The following VPS53 variants were observed in gnomAD, a reference collection of about 807,000 sequenced individuals.
VPS53 encodes the protein VPS53 subunit of GARP complex.
Under a neutral mutation model 107.0 loss-of-function variants are expected in VPS53, and 70 were observed. The observed-to-expected ratio is 0.65, with a 90% CI of 0.54 to 0.80. The LOEUF is 0.80. VPS53 is among the 30% of genes least tolerant of loss of function. The pLI is 0.00. For missense variants in VPS53, 917 were observed against 1,049.4 expected, an observed-to-expected ratio of 0.87 and a Z score of 1.74; for synonymous variants, 409 against 393.3, an observed-to-expected ratio of 1.04 and a Z score of -0.47.
chr17:646,170 T>C (rs188693027), intron 7 of VPS53, among the ~76,000 whole-genome samples: 78 of 69,776 alleles, frequency 1.1e-3, no homozygotes, highest in African/African-American at 1.7e-3. Context: ...CTTTTCTAAT[T>C]CATACCACGG....
At chr17:567,736 C>T (rs1913659261) in intron 13 of VPS53, among the ~76,000 whole-genome samples, 1 of 151,790 alleles carries the variant, frequency 6.6e-6, no homozygotes, top group Non-Finnish European at 1.5e-5. Flanking sequence ...AAAAAATAAA[C>T]AAATTAGTTA....
chr17:576,980 A>T (rs1914675428), intron 13 of VPS53, among the ~76,000 whole-genome samples: 1 of 135,428 alleles, frequency 7.4e-6, no homozygotes, highest in Admixed American at 7.3e-5. Context: ...AACCTCAATG[A>T]CTTAGCAGAG....
chr17:666,656 C>T (rs1971702074), intron 4 of VPS53, among the ~76,000 whole-genome samples: 1 of 151,534 alleles, frequency 6.6e-6, no homozygotes, highest in South Asian at 2.1e-4. Context: ...AAGAGCAAAA[C>T]TCCATCTCAA....
At chr17:683,735 C>G (rs550224060) in intron 4 of VPS53, among the ~76,000 whole-genome samples, 2 of 152,172 alleles carry the variant, frequency 1.3e-5, no homozygotes, top group African/African-American at 4.8e-5. Flanking sequence ...TGGTGGCACA[C>G]GCCAATAGCC....
At chr17:657,730 G>A (rs896083094) in intron 5 of VPS53, among the ~76,000 whole-genome samples, 5 of 151,982 alleles carry the variant, frequency 3.3e-5, no homozygotes, top group Admixed American at 6.5e-5. Flanking sequence ...ACTTGGCCAT[G>A]AGTTCATGGA....
chr17:692,030 T>C (rs374927782), intron 4 of VPS53, among the ~76,000 whole-genome samples: 5 of 152,182 alleles, frequency 3.3e-5, no homozygotes, highest in African/African-American at 1.2e-4. Context: ...TCCCAAACCT[T>C]ACTCTTGTTC....
At position 537,247 on chromosome 17, in the gene VPS53, A is replaced by T; in HGVS notation, c.1867-71T>A. ...GGTGTCGCCTGTTACTGGGGAAGGG[A>T]GGGGCTGGAGTGGAAGTCAGGTCAC... On this transcript the variant is annotated intron_variant, in intron 17 of 21. Coordinates refer to ENST00000437048, the MANE Select transcript of VPS53 (RefSeq NM_001128159.3). 3 of 1,551,264 alleles carry T rather than the reference A, an allele frequency of 1.9e-6. No individual in the cohort carries two copies. In the South Asian group the frequency reaches 3.5e-5, roughly 18 times the overall value.
At position 560,510 on chromosome 17, in the gene VPS53, T is replaced by A; in HGVS notation, c.1620A>T (p.Glu540Asp). 6.2e-7 allele frequency: 1 copy of A among 1,613,956 alleles called. No homozygotes were observed. Among genetic ancestry groups the A allele is most frequent in the Non-Finnish European group, 8.5e-7 (1 of 1,180,022 alleles). Residue 540 changes from glutamate to aspartate, a missense_variant, in exon 15 of 22, where the codon GAA becomes GAT. Glu to Asp is a conservative substitution (Grantham distance 45). Coordinates refer to ENST00000437048, the MANE Select transcript of VPS53 (RefSeq NM_001128159.3). ...GCTCCTCCAGAGTGAACTTGGCTACTTCTGAGCCCTCCTTTTCCTTGAGGA... is the reference window on the plus strand; with the variant it reads ...GCTCCTCCAGAGTGAACTTGGCTACATCTGAGCCCTCCTTTTCCTTGAGGA... Reference protein sequence around the residue: ...SSLLKEKEGSEVAKFTLEELC... With the variant: ...SSLLKEKEGSDVAKFTLEELC...
intron 5 of VPS53, among the ~76,000 whole-genome samples, chr17:657,701 CA>C (rs1418704027): frequency 6.6e-6 from 1 of 152,236 alleles, no homozygotes; most frequent in Admixed American, 6.5e-5. Context: ...TGGATAGATA[CA>C]TCCCATTAAA....
At chr17:711,102 T>C (rs886397042) in intron 1 of VPS53, among the ~76,000 whole-genome samples, 3 of 152,038 alleles carry the variant, frequency 2.0e-5, no homozygotes, top group African/African-American at 7.2e-5. Context: ...CCCAGCTACG[T>C]GGGAGGCTGA....
intron 11 of VPS53, among the ~76,000 whole-genome samples, chr17:610,456 C>T (rs1272362136): frequency 6.6e-6 from 1 of 152,110 alleles, no homozygotes; most frequent in East Asian, 1.9e-4. Context: ...GTCTCTGTAG[C>T]CTTGGATTAC....
At chr17:631,753 G>C (rs1334114202) in intron 7 of VPS53, 125 bp from the exon 8 acceptor site, 1 of 731,058 alleles carries the variant, frequency 1.4e-6, no homozygotes. Flanking sequence ...AGACGTCCAT[G>C]AGGTGAGAGG....
In VPS53 at chr17:606,749, T is replaced by C. The variant is rs532847078; in HGVS notation, c.1117-4853A>G. Among the ~76,000 whole-genome samples, 3 of 152,258 alleles carry C rather than the reference T, an allele frequency of 2.0e-5. No individual in the cohort carries two copies. In the South Asian group the frequency reaches 6.2e-4, roughly 32 times the overall value. On this transcript the variant is annotated intron_variant, in intron 11 of 21. Coordinates refer to ENST00000437048, the MANE Select transcript of VPS53 (RefSeq NM_001128159.3). ...TGTCAGGTCTCATAGGCAAACCCTG[T>C]TGTGAGCTGCTCATATGAGAGGTCT... is the stretch of plus-strand genomic sequence containing the variant.
Position 631,579 on chromosome 17 carries a change from C to G in VPS53, c.658G>C (p.Glu220Gln). The stretch of plus-strand genomic sequence containing the variant: ...GTGCCCTGGGAAGGAAACGCTTCTT[C>G]AAAATCTGCCAGGATTTGCTGTCCT... ...ELGQQILADF[E>Q]EAFPSQGTKR... is the part of the protein sequence containing the mutation. The change falls in exon 8 of 22, where the codon GAA (glutamate) becomes CAA (glutamine). Residue 220 changes from glutamate to glutamine, a missense_variant. By Grantham distance (29) the Glu-to-Gln change is conservative. Coordinates refer to ENST00000437048, the MANE Select transcript of VPS53 (RefSeq NM_001128159.3). The G allele has an allele frequency of 1.2e-6, 2 of 1,614,122 alleles. No individual in the cohort carries two copies. The highest frequency in any genetic ancestry group is 8.5e-7 in the Non-Finnish European group (1 of 1,180,006).
At chr17:687,053 G>A (rs1972611205) in intron 4 of VPS53, among the ~76,000 whole-genome samples, 1 of 152,116 alleles carries the variant, frequency 6.6e-6, no homozygotes, top group African/African-American at 2.4e-5. Context: ...GAGAGGCCAA[G>A]GTGGGCAGAT....
chr17:537,320 T>C, intron 17 of VPS53, 144 bp from the exon 18 acceptor site: 1 of 936,308 alleles, frequency 1.1e-6, no homozygotes. Flanking sequence ...GGGAGTTTCT[T>C]ATTCGTTCTG....
At chr17:598,685 CGGCCGCCCCGTCTG>C (rs1968127576) in intron 12 of VPS53, among the ~76,000 whole-genome samples, 1 of 141,700 alleles carries the variant, frequency 7.1e-6, no homozygotes, top group Non-Finnish European at 1.6e-5. Flanking sequence ...CATTTCTGCC[CGGCCGCCCCGTCTG>C]AGAAGTGAGG....
intron 8 of VPS53, among the ~76,000 whole-genome samples, chr17:628,816 T>C (rs1969824961): frequency 6.6e-6 from 1 of 152,222 alleles, no homozygotes; most frequent in Non-Finnish European, 1.5e-5. Context: ...GAGAAAATGC[T>C]GTGATACTGG....
intron 4 of VPS53, among the ~76,000 whole-genome samples, chr17:663,672 C>T (rs372208971): frequency 1.1e-4 from 16 of 152,216 alleles, no homozygotes; most frequent in African/African-American, 3.6e-4. Flanking sequence ...CTGGACTGTC[C>T]GTGACTAAAG....
Sources: gnomAD v4.1 joint callset for allele counts (sites outside exome capture counted in the v4.1 genomes callset) on GRCh38, gnomAD v4.1.1 for gene constraint, MANE v1.5 for transcripts, NCBI Gene and HGNC (gene_info 2026-07-23, HGNC 2026-07-21) for gene names.